Variants in NRG3 observed in about 807,000 individuals in gnomAD.
NRG3 encodes the protein neuregulin 3.
Under a neutral mutation model 66.9 loss-of-function variants are expected in NRG3, and 31 were observed. The ratio of observed to expected loss-of-function variants is 0.46; its 90% CI spans 0.35 to 0.63. NRG3 has a LOEUF of 0.63. Among genes scored for constraint, NRG3 ranks in the 20% least tolerant of loss-of-function variants. The pLI is 0.00. For synonymous variants in NRG3, 393 were observed against 359.4 expected (o/e 1.09, Z -1.06); for missense variants, 910 against 878.9 (o/e 1.04, Z -0.45).
chr10:82,699,281 A>AGGG (rs1435881943), intron 2 of NRG3, among the ~76,000 whole-genome samples: 16 of 146,026 alleles, frequency 1.1e-4, no homozygotes, highest in African/African-American at 4.2e-4. Flanking sequence ...GGAAGGAAGC[A>AGGG]AGGGAGGCAG....
chr10:82,844,676 T>C (rs1258819150), intron 3 of NRG3, among the ~76,000 whole-genome samples: 1 of 151,876 alleles, frequency 6.6e-6, no homozygotes, highest in Non-Finnish European at 1.5e-5. Context: ...ACAATCTTTT[T>C]TTTTTTTTTT....
intron 2 of NRG3, among the ~76,000 whole-genome samples, chr10:82,512,625 A>C (rs1452900466): frequency 6.6e-6 from 1 of 152,132 alleles, no homozygotes; most frequent in Non-Finnish European, 1.5e-5. Context: ...GGCCTACTTA[A>C]AGTACGCTCT....
intron 1 of NRG3, among the ~76,000 whole-genome samples, chr10:82,291,361 A>G (rs2079736438): frequency 6.6e-6 from 1 of 152,204 alleles, no homozygotes; most frequent in Admixed American, 6.5e-5. Flanking sequence ...AAATAATTGG[A>G]GAGACATATG....
intron 2 of NRG3, among the ~76,000 whole-genome samples, chr10:82,646,113 T>C (rs1396629104): frequency 6.6e-6 from 1 of 152,104 alleles, no homozygotes; most frequent in East Asian, 1.9e-4. Flanking sequence ...AAGTATGTAT[T>C]ATTGGGGATC....
intron 2 of NRG3, among the ~76,000 whole-genome samples, chr10:82,602,710 G>T (rs1219626967): frequency 1.3e-5 from 2 of 152,102 alleles, no homozygotes; most frequent in Admixed American, 1.3e-4. Context: ...CACAATAAGT[G>T]CTCAATAACT....
At chr10:82,479,008 A>G (rs1330073213) in intron 2 of NRG3, among the ~76,000 whole-genome samples, 1 of 152,210 alleles carries the variant, frequency 6.6e-6, no homozygotes, top group African/African-American at 2.4e-5. Flanking sequence ...GTGCAAGACA[A>G]TGTAGAAAGG....
At chr10:82,936,103 C>T (rs1217815691) in intron 4 of NRG3, among the ~76,000 whole-genome samples, 4 of 152,076 alleles carry the variant, frequency 2.6e-5, no homozygotes, top group Non-Finnish European at 4.4e-5. Flanking sequence ...AAAATTTTCT[C>T]ACAGTGTAAA....
chr10:82,867,710 G>A (rs184105613), intron 4 of NRG3, among the ~76,000 whole-genome samples: 30 of 152,326 alleles, frequency 2.0e-4, no homozygotes, highest in African/African-American at 6.3e-4. Context: ...AATGCAGAAG[G>A]TGTGTTGCGG....
chr10:82,499,022 G>A (rs145464248), intron 2 of NRG3, among the ~76,000 whole-genome samples: 2 of 152,110 alleles, frequency 1.3e-5, no homozygotes, highest in Non-Finnish European at 2.9e-5. Context: ...AACATATTGA[G>A]TAGCAGGAAC....
intron 2 of NRG3, among the ~76,000 whole-genome samples, chr10:82,428,112 A>T (rs1937978): frequency 0.021 from 3,221 of 151,774 alleles, 204 homozygotes; most frequent in East Asian, 0.17. Context: ...CTAGTTAAAA[A>T]TTTTTCAATT....
At chr10:82,083,054 C>T (rs2065484741) in intron 1 of NRG3, among the ~76,000 whole-genome samples, 1 of 151,858 alleles carries the variant, frequency 6.6e-6, no homozygotes, top group South Asian at 2.1e-4. Context: ...GATCCTCCCT[C>T]CATAGCCTCC....
At chr10:82,238,919 T>TATATATATATATATATATATATATAA (rs372472574) in intron 1 of NRG3, among the ~76,000 whole-genome samples, 1 of 142,142 alleles carries the variant, frequency 7.0e-6, no homozygotes, top group Non-Finnish European at 1.5e-5. Flanking sequence ...ACCGTATATA[T>TATATATATATATATATATATATATAA]ATATATATAA....
At chr10:82,022,287 G>A (rs1265489933) in intron 1 of NRG3, among the ~76,000 whole-genome samples, 1 of 151,998 alleles carries the variant, frequency 6.6e-6, no homozygotes, top group African/African-American at 2.4e-5. Context: ...CTGGCAGAAG[G>A]CACCTGAGAA....
At chr10:82,941,995 T>TTG (rs3075660) in intron 4 of NRG3, among the ~76,000 whole-genome samples, 3,587 of 148,412 alleles carry the variant, frequency 0.024, 104 homozygotes, top group African/African-American at 0.068. Flanking sequence ...ACATATAGGT[T>TTG]TGTGTGTGTG....
At chr10:82,358,259 A>G (rs1459525684) in intron 1 of NRG3, among the ~76,000 whole-genome samples, 1 of 149,662 alleles carries the variant, frequency 6.7e-6, no homozygotes, top group African/African-American at 2.5e-5. Context: ...TAATTGGCTT[A>G]GCTATTAGCC....
At chr10:82,213,006 A>G (rs2075478754) in intron 1 of NRG3, among the ~76,000 whole-genome samples, 1 of 152,116 alleles carries the variant, frequency 6.6e-6, no homozygotes, top group South Asian at 2.1e-4. Context: ...CCCAGGCCCT[A>G]CTTTCGGTTC....
intron 2 of NRG3, among the ~76,000 whole-genome samples, chr10:82,703,114 G>A (rs1253924430): frequency 2.6e-5 from 4 of 151,666 alleles, no homozygotes; most frequent in African/African-American, 4.8e-5. Flanking sequence ...CAGTCTGAGT[G>A]GTAAGACAGT....
intron 1 of NRG3, among the ~76,000 whole-genome samples, chr10:82,346,978 A>G (rs927573571): frequency 6.6e-6 from 1 of 151,736 alleles, no homozygotes; most frequent in Admixed American, 6.6e-5. Context: ...TAGTCTTGCT[A>G]GCTGTCTATC....
intron 1 of NRG3, among the ~76,000 whole-genome samples, chr10:81,994,563 GATAGA>G (rs2060862285): frequency 6.6e-6 from 1 of 151,774 alleles, no homozygotes; most frequent in Non-Finnish European, 1.5e-5. Flanking sequence ...TTGCATAAAG[GATAGA>G]TAGCATGTCG....
Sources: gnomAD v4.1 joint callset for allele counts (sites outside exome capture counted in the v4.1 genomes callset) on GRCh38, gnomAD v4.1.1 for gene constraint, MANE v1.5 for transcripts, NCBI Gene and HGNC (gene_info 2026-07-23, HGNC 2026-07-21) for gene names.